CUX2: variants seen among roughly 807,000 people sequenced by gnomAD.
CUX2 encodes cut like homeobox 2.
A neutral mutation model predicts 144.8 loss-of-function variants in CUX2; 40 were observed. The observed-to-expected ratio is 0.28, with a 90% confidence interval of 0.21 to 0.36. The LOEUF (loss-of-function observed/expected upper bound fraction) is 0.36, where lower values mean the gene tolerates loss of function less well. Among genes scored for constraint, CUX2 ranks in the 10% least tolerant of loss-of-function variants. CUX2 has a pLI of 1.00. For missense variants in CUX2, 1,615 were observed against 1,994.0 expected (o/e 0.81, Z 3.62); for synonymous variants, 827 against 875.6 (o/e 0.94, Z 0.98).
Position 111,291,580 on chromosome 12 carries a change from T to A in CUX2, c.436+28T>A. 5 of 1,549,022 alleles carry A rather than the reference T, an allele frequency of 3.2e-6. 1 individual carries two copies. In the South Asian group the frequency reaches 6.3e-5, roughly 19 times the overall value. On this transcript the variant is annotated intron_variant, in intron 5 of 21. Coordinates refer to ENST00000261726, the MANE Select transcript of CUX2 (RefSeq NM_015267.4). ...ACTGATAAGGCCTTCTCGGAGCGTCTACAATAAACAACCAGGCTGCAGATC... is the reference window on the plus strand; with the variant it reads ...ACTGATAAGGCCTTCTCGGAGCGTCAACAATAAACAACCAGGCTGCAGATC...
chr12:111,231,356 A>C (rs1433098128), intron 3 of CUX2, among the ~76,000 whole-genome samples: 1 of 152,210 alleles, frequency 6.6e-6, no homozygotes, highest in Non-Finnish European at 1.5e-5. Flanking sequence ...CAAGGTTCAC[A>C]CATGTGGTAT....
intron 1 of CUX2, among the ~76,000 whole-genome samples, chr12:111,134,620 C>CTCTCTCTCTCTGTGTG (rs1026548098): frequency 2.8e-5 from 4 of 142,130 alleles, no homozygotes; most frequent in African/African-American, 1.1e-4. Context: ...CTCTCTCTCT[C>CTCTCTCTCTCTGTGTG]TGTGTGTGTG....
intron 1 of CUX2, among the ~76,000 whole-genome samples, chr12:111,101,116 C>CA (rs750886697): frequency 1.2e-4 from 18 of 152,154 alleles, no homozygotes; most frequent in Non-Finnish European, 2.5e-4. Context: ...TTCTAAATAC[C>CA]AAAGCATTTT....
At chr12:111,047,070 TC>T (rs1870030714) in intron 1 of CUX2, among the ~76,000 whole-genome samples, 1 of 152,174 alleles carries the variant, frequency 6.6e-6, no homozygotes, top group African/African-American at 2.4e-5. Flanking sequence ...GAGAGAAAGC[TC>T]CCGGTTCCCA....
rs1364412370 is a variant in CUX2, at chr12:111,289,719, T to G, written c.302-1699T>G. On this transcript the variant is annotated intron_variant, in intron 4 of 21. Transcript: ENST00000261726. The surrounding 1 kb of genome is among the most constrained non-coding windows in gnomAD (Gnocchi z 4.1). ...AATTGGTGGACATCTTACATCTAGA[T>G]GTGTGTTTTGCCCCCGAAAAAGTCC... Among the ~76,000 whole-genome samples the G allele has an allele frequency of 1.3e-5, 2 of 151,904 alleles. No homozygotes were observed.
rs987582701 is a variant in CUX2, at chr12:111,350,207, C to G, written c.*1882C>G. 1.3e-5 allele frequency: 2 copies of G among 152,546 alleles called. No individual in the cohort carries two copies. Among genetic ancestry groups the G allele is most frequent in the African/African-American group, 4.8e-5 (2 of 41,572 alleles). 9.4% of individuals were successfully genotyped at this position (152,546 alleles called of 1,614,324 possible). On this transcript the variant is annotated 3_prime_UTR_variant, in exon 22 of 22. Transcript: ENST00000261726. ...TCTTTTAGCCACCACCACCCTGTTG[C>G]AATTAAGACAACCGTGGGGGAACAC...
At chr12:111,100,010 G>A (rs750986892) in intron 1 of CUX2, 5 of 457,106 alleles carry the variant, frequency 1.1e-5, no homozygotes, top group African/African-American at 2.0e-5. Context: ...TTGCACATTC[G>A]CTTTTTATTT....
intron 1 of CUX2, among the ~76,000 whole-genome samples, chr12:111,207,871 G>A (rs954302314): frequency 1.6e-4 from 25 of 152,172 alleles, no homozygotes; most frequent in Non-Finnish European, 2.9e-5. Flanking sequence ...CTTTCTGGAA[G>A]AGGAGACATT....
rs924660411 is a variant in CUX2 at position 111,124,213 on chromosome 12, T to C, written c.63+89973T>C. 9.9e-5 allele frequency among the ~76,000 whole-genome samples: 15 copies of C among 152,208 alleles called. No homozygotes were observed. In the East Asian group the frequency reaches 2.5e-3, roughly 25 times the overall value. On this transcript the variant is annotated intron_variant, in intron 1 of 21. Coordinates refer to ENST00000261726, the MANE Select transcript of CUX2 (RefSeq NM_015267.4). ...AATCGATGGATGAAAGGCAAATTCATAGGAGAAAAGGCATACAAATTTATT... is the reference window on the plus strand; with the variant it reads ...AATCGATGGATGAAAGGCAAATTCACAGGAGAAAAGGCATACAAATTTATT...
chr12:111,244,472 G>A (rs1441158438), intron 3 of CUX2, among the ~76,000 whole-genome samples: 2 of 152,240 alleles, frequency 1.3e-5, no homozygotes, highest in African/African-American at 4.8e-5. Context: ...TCCCAGCTCT[G>A]TCCGGAGCTG....
intron 1 of CUX2, among the ~76,000 whole-genome samples, chr12:111,109,167 C>T (rs974137612): frequency 2.6e-5 from 4 of 152,218 alleles, no homozygotes; most frequent in Non-Finnish European, 4.4e-5. Context: ...AATGTGCTTA[C>T]GTTCTTCCTG....
Position 111,186,090 on chromosome 12 carries a change from C to T in CUX2, c.64-28110C>T, listed in dbSNP as rs530486386. On this transcript the variant is annotated intron_variant, in intron 1 of 21. Coordinates refer to ENST00000261726, the MANE Select transcript of CUX2 (RefSeq NM_015267.4). This position sits in a 1 kb window ranked among gnomAD's most constrained non-coding sequence, Gnocchi z 4.4. ...CTCCTCCTGCCCTCTGTTCTGCCCTCGCCCCCTTTCTGTCTCCGTCTCACT... is the reference window on the plus strand; with the variant it reads ...CTCCTCCTGCCCTCTGTTCTGCCCTTGCCCCCTTTCTGTCTCCGTCTCACT... 4.6e-5 allele frequency among the ~76,000 whole-genome samples: 7 copies of T among 151,970 alleles called. No individual in the cohort carries two copies. The highest frequency in any genetic ancestry group is 4.2e-4 in the South Asian group (2 of 4,806).
chr12:111,198,567 G>A (rs1880382368), intron 1 of CUX2, among the ~76,000 whole-genome samples: 2 of 152,102 alleles, frequency 1.3e-5, no homozygotes, highest in South Asian at 4.1e-4. Context: ...AAGAGTCCCT[G>A]CCCTCCCGGA....
At chr12:111,342,074 C>G in intron 21 of CUX2, 21 bp downstream of exon 21, 1 of 1,592,190 alleles carries the variant, frequency 6.3e-7, no homozygotes, top group Non-Finnish European at 8.6e-7. Context: ...GGGGGCGTAC[C>G]CACAGGCGGG....
chr12:111,050,058 C>T (rs186532702), intron 1 of CUX2, among the ~76,000 whole-genome samples: 1 of 152,198 alleles, frequency 6.6e-6, no homozygotes, highest in Non-Finnish European at 1.5e-5. Flanking sequence ...GCAGAGAAAC[C>T]CTTCACCTAC....
intron 1 of CUX2, among the ~76,000 whole-genome samples, chr12:111,042,843 C>A (rs575125341): frequency 3.0e-4 from 45 of 151,308 alleles, no homozygotes; most frequent in African/African-American, 1.5e-4. Flanking sequence ...ACCATGCTAC[C>A]CAGGCTAGTC....
chr12:111,319,989 C>T (rs1887426481), intron 16 of CUX2, 23 bp from the exon 17 acceptor site: 3 of 1,463,190 alleles, frequency 2.1e-6, no homozygotes, highest in Non-Finnish European at 2.7e-6. Flanking sequence ...GGGCCTCGGG[C>T]CGTCCTGTCC....
rs1888955830 is a variant in CUX2 at position 111,349,345 on chromosome 12, T to C, written c.*1020T>C. 6.6e-6 allele frequency: 1 copy of C among 152,176 alleles called. No individual in the cohort carries two copies. The highest frequency in any genetic ancestry group is 6.5e-5 in the Admixed American group (1 of 15,270). The allele number at this position is 152,176 out of a possible 1,614,324, so 9.4% of individuals were successfully genotyped here. On this transcript the variant is annotated 3_prime_UTR_variant, in exon 22 of 22. Transcript: ENST00000261726. ...GTGTGGGTATTCCAGAGCAAGACTG[T>C]GGCCACCATCTTCCCCTCTTGGTGT... is the stretch of plus-strand genomic sequence containing the variant.
chr12:111,298,203 G>T (rs1886109509), intron 8 of CUX2, among the ~76,000 whole-genome samples: 1 of 152,178 alleles, frequency 6.6e-6, no homozygotes, highest in Non-Finnish European at 1.5e-5. Flanking sequence ...GTGCAGGGCG[G>T]CCTCCCCGGA....
Sources: allele counts gnomAD v4.1 joint callset (sites outside exome capture counted in the v4.1 genomes callset), GRCh38; gene constraint gnomAD v4.1.1; non-coding constraint Gnocchi (gnomAD v3.1); transcripts MANE v1.5; gene names NCBI Gene and HGNC (gene_info 2026-07-23, HGNC 2026-07-21).